BIRC6: variants seen among roughly 807,000 people sequenced by gnomAD.
BIRC6 encodes the protein dual E2 ubiquitin-conjugating enzyme/E3 ubiquitin-protein ligase BIRC6.
Under a neutral mutation model 503.3 loss-of-function variants are expected in BIRC6, and 98 were observed. That is an observed-to-expected ratio of 0.19 (90% CI 0.17 to 0.23). The LOEUF (loss-of-function observed/expected upper bound fraction) is 0.23, where lower values mean the gene tolerates loss of function less well. Among genes scored for constraint, BIRC6 ranks in the 10% least tolerant of loss-of-function variants. BIRC6 has a pLI of 1.00. For synonymous variants in BIRC6, 2,240 were observed against 2,078.7 expected, an observed-to-expected ratio of 1.08 and a Z score of -2.11; for missense variants, 5,360 against 5,806.0, an observed-to-expected ratio of 0.92 and a Z score of 2.50.
At chr2:32,390,821 G>C (rs752600369) in intron 4 of BIRC6, among the ~76,000 whole-genome samples, 1 of 152,058 alleles carries the variant, frequency 6.6e-6, no homozygotes, top group African/African-American at 2.4e-5. Context: ...TGATTTCTGC[G>C]TAATCACTTA....
chr2:32,465,025 A>G lies in BIRC6; in HGVS notation c.5257-40A>G, dbSNP rs779269118. 1.4e-5 allele frequency: 19 copies of G among 1,372,512 alleles called. No homozygotes were observed. The East Asian group carries it at 4.0e-4, about 29-fold the overall frequency. 85.0% of individuals were successfully genotyped at this position (1,372,512 alleles called of 1,614,324 possible). ...GTAGTTTTTATAGAACTATAGTAATATCAATATAAAGTTAGATTTTTTTTT... is the reference window on the plus strand; with the variant it reads ...GTAGTTTTTATAGAACTATAGTAATGTCAATATAAAGTTAGATTTTTTTTT... On this transcript the variant is annotated intron_variant, in intron 25 of 73. Transcript: ENST00000421745.
chr2:32,549,374 A>C lies in BIRC6; in HGVS notation c.13037A>C (p.His4346Pro), dbSNP rs137991740. The C allele has an allele frequency of 4.6e-6, 7 of 1,509,826 alleles. No individual in the cohort carries two copies. Among genetic ancestry groups the C allele is most frequent in the Non-Finnish European group, 6.3e-6 (7 of 1,108,366 alleles). 93.5% of individuals were successfully genotyped at this position (1,509,826 alleles called of 1,614,324 possible). ...GTAAATGGAGAAGCTCAGTCATCTC[A>C]TGAGACTAGAGGGCAGAACAGTAAT... ...SAVNGEAQSSHETRGQNSNAL... is the reference protein window; with the variant it reads ...SAVNGEAQSSPETRGQNSNAL... The change falls in exon 65 of 74, where the codon CAT (histidine) becomes CCT (proline). Residue 4346 changes from histidine to proline, a missense_variant. Physicochemically the swap from His to Pro is moderately conservative, Grantham distance 77 (BLOSUM62 -2). This residue lies in a region of BIRC6 where 477 missense variants were observed against 574.4 expected (regional missense o/e 0.83). Transcript: ENST00000421745.
intron 23 of BIRC6, among the ~76,000 whole-genome samples, chr2:32,456,407 A>T (rs1356995103): frequency 6.6e-6 from 1 of 152,178 alleles, no homozygotes; most frequent in Non-Finnish European, 1.5e-5. Flanking sequence ...TTATGTATCC[A>T]CTATTGGTTT....
chr2:32,495,790 GTTTTTTTT>G (rs11464835), intron 45 of BIRC6, among the ~76,000 whole-genome samples: 1 of 84,812 alleles, frequency 1.2e-5, no homozygotes, highest in Admixed American at 1.4e-4. Flanking sequence ...TCAGGATGAA[GTTTTTTTT>G]TTTTTTTTTT....
chr2:32,444,768 T>G (rs544874265), intron 20 of BIRC6, among the ~76,000 whole-genome samples: 2 of 152,176 alleles, frequency 1.3e-5, no homozygotes, highest in Non-Finnish European at 2.9e-5. Context: ...AAAAAAATGC[T>G]TGTTTAGAGT....
At chr2:32,557,227 A>G (rs1347443561) in intron 65 of BIRC6, 1 of 152,218 alleles carries the variant, frequency 6.6e-6, no homozygotes, top group Non-Finnish European at 1.5e-5. Flanking sequence ...AATGCTAACT[A>G]AAACTTCATT....
At position 32,515,778 on chromosome 2, in the gene BIRC6, A is replaced by C. The variant is rs1250411654; in HGVS notation, c.11349+8A>C. ...CAAAAGCTGATGGCACAGGTAAGAC[A>C]AAAAAATAACTTACATTTTAGTTGT... On this transcript the variant is annotated splice_region_variant and intron_variant, in intron 55 of 73. Coordinates refer to ENST00000421745, the MANE Select transcript of BIRC6 (RefSeq NM_016252.4). The C allele has an allele frequency of 6.3e-7, 1 of 1,579,184 alleles. No individual in the cohort carries two copies. Among genetic ancestry groups the C allele is most frequent in the Non-Finnish European group, 8.5e-7 (1 of 1,170,188 alleles).
chr2:32,570,648 C>T (rs1289755456), intron 65 of BIRC6, among the ~76,000 whole-genome samples: 1 of 150,428 alleles, frequency 6.6e-6, no homozygotes, highest in Non-Finnish European at 1.5e-5. Flanking sequence ...CACAGACTTG[C>T]ACCACAACAC....
chr2:32,501,622 C>T (rs1019470425), intron 46 of BIRC6, 91 bp from the exon 47 acceptor site: 16 of 1,080,868 alleles, frequency 1.5e-5, no homozygotes, highest in African/African-American at 1.1e-4. Flanking sequence ...CCACCTGCCT[C>T]GGCCTCCCAA....
chr2:32,613,636 T>G (rs937604619), intron 73 of BIRC6, among the ~76,000 whole-genome samples: 4 of 152,120 alleles, frequency 2.6e-5, no homozygotes, highest in Non-Finnish European at 5.9e-5. Context: ...TGACCTCAAG[T>G]GAGCCACCGC....
At chr2:32,591,182 C>G (rs558833331) in intron 66 of BIRC6, among the ~76,000 whole-genome samples, 4 of 152,162 alleles carry the variant, frequency 2.6e-5, no homozygotes, top group Non-Finnish European at 5.9e-5. Flanking sequence ...TTTTGTCAGA[C>G]TATTCAAGTA....
Position 32,476,310 on chromosome 2 carries a change from T to A in BIRC6, c.6818T>A (p.Val2273Glu). 1 of 1,575,624 alleles carries A rather than the reference T, an allele frequency of 6.3e-7. No individual in the cohort carries two copies. Among genetic ancestry groups the A allele is most frequent in the Non-Finnish European group, 8.6e-7 (1 of 1,159,050 alleles). ...SNKGSSYKLLVEQAKLKQATS... is the reference protein window; with the variant it reads ...SNKGSSYKLLEEQAKLKQATS... ...AAAGGATCATCATATAAACTCCTGGTAGAACAAGCAAAACTAAAGCAGGCC... is the reference window on the plus strand; with the variant it reads ...AAAGGATCATCATATAAACTCCTGGAAGAACAAGCAAAACTAAAGCAGGCC... The change falls in exon 34 of 74, where the codon GTA (valine) becomes GAA (glutamate). Residue 2273 changes from valine (V) to glutamate (E), a missense_variant. Coordinates refer to ENST00000421745, the MANE Select transcript of BIRC6 (RefSeq NM_016252.4).
At chr2:32,363,352 CT>C (rs976326226) in intron 1 of BIRC6, among the ~76,000 whole-genome samples, 1 of 151,002 alleles carries the variant, frequency 6.6e-6, no homozygotes, top group Non-Finnish European at 1.5e-5. Context: ...GAAAACCTTG[CT>C]TTTTTTTTCT....
chr2:32,553,387 A>T (rs982541487), intron 65 of BIRC6, among the ~76,000 whole-genome samples: 5 of 151,152 alleles, frequency 3.3e-5, no homozygotes, highest in African/African-American at 9.7e-5. Context: ...ATGGAGACTT[A>T]TTTTTTTATT....
chr2:32,594,226 A>G (rs2061545297), intron 67 of BIRC6, 166 bp downstream of exon 67: 7 of 650,976 alleles, frequency 1.1e-5, no homozygotes, highest in African/African-American at 7.4e-5. Flanking sequence ...TCTGATTTCA[A>G]TCATGTATAG....
intron 39 of BIRC6, among the ~76,000 whole-genome samples, chr2:32,485,306 A>G (rs181582531): frequency 6.6e-6 from 1 of 152,350 alleles, no homozygotes; most frequent in East Asian, 1.9e-4. Flanking sequence ...ATCTAACTCC[A>G]TAGGGTTCAT....
Position 32,435,957 on chromosome 2 carries a change from T to C in BIRC6, c.3500-96T>C, listed in dbSNP as rs551825584. 2.2e-4 allele frequency: 146 copies of C among 650,806 alleles called. No homozygotes were observed. In the African/African-American group the frequency reaches 2.6e-3, roughly 12 times the overall value. The allele number at this position is 650,806 out of a possible 1,614,324, so 40.3% of individuals were successfully genotyped here. On this transcript the variant is annotated intron_variant, in intron 14 of 73. Transcript: ENST00000421745. The stretch of plus-strand genomic sequence containing the variant: ...CACATTCTAAGTATGATATTTTGTG[T>C]GGTGGTATTATATGTAAATGGGATG...
intron 12 of BIRC6, among the ~76,000 whole-genome samples, chr2:32,433,028 G>A (rs1339374321): frequency 6.6e-6 from 1 of 152,066 alleles, no homozygotes. Flanking sequence ...ATAATTTGGA[G>A]GTACAAGGAA....
At chr2:32,498,813 A>G (rs568831480) in intron 45 of BIRC6, among the ~76,000 whole-genome samples, 1 of 152,228 alleles carries the variant, frequency 6.6e-6, no homozygotes, top group Admixed American at 6.5e-5. Context: ...CTCAAACTCA[A>G]AAGTATTCTT....
Sources: gnomAD v4.1 joint callset for allele counts (sites outside exome capture counted in the v4.1 genomes callset) on GRCh38, gnomAD v4.1.1 for gene constraint, gnomAD v4.1.1 regional missense constraint, MANE v1.5 for transcripts, NCBI Gene and HGNC (gene_info 2026-07-23, HGNC 2026-07-21) for gene names.